Variants in PRKG1 observed in about 807,000 individuals in gnomAD.
PRKG1 encodes the protein cGMP-dependent protein kinase 1.
PRKG1 carries 35 observed loss-of-function variants against 88.1 expected under a neutral mutation model. That is an observed-to-expected ratio of 0.40 (90% CI 0.30 to 0.53). PRKG1 has a LOEUF of 0.53. PRKG1 is among the 20% of genes least tolerant of loss of function. PRKG1 has a pLI of 0.59. For synonymous variants in PRKG1, 303 were observed against 292.5 expected (o/e 1.04, Z -0.37); for missense variants, 540 against 839.8 (o/e 0.64, Z 4.41).
In PRKG1 at chr10:52,013,236, G is replaced by C. The variant is rs1046214526; in HGVS notation, c.763-41248G>C. On this transcript the variant is annotated intron_variant, in intron 5 of 17. Coordinates refer to ENST00000373980, the MANE Select transcript of PRKG1 (RefSeq NM_006258.4). Reference sequence around the variant, plus strand: ...GATCGTGTCCATCCTGGCTAACACGGTGAAACCCCGTCTCTACTAAAAATA... The same window carrying C: ...GATCGTGTCCATCCTGGCTAACACGCTGAAACCCCGTCTCTACTAAAAATA... 7.2e-5 allele frequency among the ~76,000 whole-genome samples: 11 copies of C among 152,212 alleles called. 1 individual carries two copies. The highest frequency in any genetic ancestry group is 2.4e-4 in the African/African-American group (10 of 41,540).
chr10:51,074,146 C>T (rs1333221321), upstream of PRKG1, among the ~76,000 whole-genome samples: 5 of 150,416 alleles, frequency 3.3e-5, no homozygotes, highest in Non-Finnish European at 7.4e-5. Flanking sequence ...CCCCGGCGCG[C>T]CTCGGAGGCT....
Position 51,476,052 on chromosome 10 carries a change from G to C in PRKG1, c.592+8216G>C, listed in dbSNP as rs542217659. Among the ~76,000 whole-genome samples, 218 of 152,132 alleles carry C rather than the reference G, an allele frequency of 1.4e-3. 1 individual carries two copies. The highest frequency in any genetic ancestry group is 5.2e-3 in the African/African-American group (217 of 41,526). ...TTGTACTCATAGTGGAAAGGTCTTTGGTACTTTCCATAGGTGGCCATTGAC... is the reference window on the plus strand; with the variant it reads ...TTGTACTCATAGTGGAAAGGTCTTTCGTACTTTCCATAGGTGGCCATTGAC... On this transcript the variant is annotated intron_variant, in intron 3 of 17. Coordinates refer to ENST00000373980, the MANE Select transcript of PRKG1 (RefSeq NM_006258.4).
intron 2 of PRKG1, among the ~76,000 whole-genome samples, chr10:51,415,191 C>CATA (rs1190550336): frequency 6.6e-6 from 1 of 152,164 alleles, no homozygotes; most frequent in Non-Finnish European, 1.5e-5. Flanking sequence ...CAGTAGCATC[C>CATA]GTTTAGTGAA....
At chr10:52,240,674 G>T (rs947414696) in intron 9 of PRKG1, among the ~76,000 whole-genome samples, 1 of 152,024 alleles carries the variant, frequency 6.6e-6, no homozygotes, top group East Asian at 1.9e-4. Flanking sequence ...TTAACGCACC[G>T]ATCACTATTA....
At chr10:51,856,156 C>T (rs1274680393) in intron 4 of PRKG1, among the ~76,000 whole-genome samples, 2 of 152,086 alleles carry the variant, frequency 1.3e-5, no homozygotes, top group Non-Finnish European at 2.9e-5. Context: ...CCATAAGGAC[C>T]CTTGCAGTTA....
intron 2 of PRKG1, among the ~76,000 whole-genome samples, chr10:51,344,679 T>C (rs960756517): frequency 1.3e-5 from 2 of 152,094 alleles, no homozygotes; most frequent in African/African-American, 4.8e-5. Context: ...TTTTTTTCAC[T>C]GTCTTATAAA....
intron 9 of PRKG1, among the ~76,000 whole-genome samples, chr10:52,234,790 A>G (rs1194527): frequency 0.059 from 4,267 of 72,498 alleles, 22 homozygotes; most frequent in South Asian, 0.076. Flanking sequence ...GCAGGCCAAC[A>G]TTCAGATTCA....
chr10:51,037,782 C>CA (rs55765146), intron 1 of PRKG1, among the ~76,000 whole-genome samples: 234 of 139,916 alleles, frequency 1.7e-3, no homozygotes, highest in Middle Eastern at 3.8e-3. Flanking sequence ...GACTCGATCT[C>CA]AAAAAAAAAA....
intron 5 of PRKG1, among the ~76,000 whole-genome samples, chr10:51,994,206 T>TAC (rs1844379907): frequency 6.6e-6 from 1 of 152,170 alleles, no homozygotes; most frequent in Admixed American, 6.6e-5. Flanking sequence ...GGGGTATATA[T>TAC]TTGTAAGGCT....
chr10:51,070,636 C>T (rs1039244275), upstream of PRKG1, among the ~76,000 whole-genome samples: 1 of 152,110 alleles, frequency 6.6e-6, no homozygotes, highest in Admixed American at 6.5e-5. Flanking sequence ...ATGACAAATT[C>T]TACAGATTTA....
chr10:51,490,348 A>G (rs1840673238), intron 3 of PRKG1, among the ~76,000 whole-genome samples: 1 of 152,142 alleles, frequency 6.6e-6, no homozygotes, highest in Non-Finnish European at 1.5e-5. Flanking sequence ...ACTAATATGT[A>G]TTTAGCACGT....
chr10:51,929,205 G>C (rs1051264419), intron 5 of PRKG1, among the ~76,000 whole-genome samples: 3 of 152,112 alleles, frequency 2.0e-5, no homozygotes, highest in Admixed American at 2.0e-4. Context: ...AGTTTTATCA[G>C]TAATGTTAAG....
intron 2 of PRKG1, among the ~76,000 whole-genome samples, chr10:51,214,984 G>A (rs1036897309): frequency 6.6e-6 from 1 of 152,164 alleles, no homozygotes; most frequent in African/African-American, 2.4e-5. Flanking sequence ...TTTCTTTTAA[G>A]TGACCTTGTC....
chr10:51,579,318 G>T (rs1487954475), intron 3 of PRKG1, among the ~76,000 whole-genome samples: 1 of 151,884 alleles, frequency 6.6e-6, no homozygotes, highest in Non-Finnish European at 1.5e-5. Context: ...TAGTAATTCT[G>T]GGGGAGTTTT....
intron 4 of PRKG1, among the ~76,000 whole-genome samples, chr10:51,888,343 T>C (rs1358873083): frequency 6.6e-6 from 1 of 152,242 alleles, no homozygotes; most frequent in Non-Finnish European, 1.5e-5. Context: ...AGAACAAGGT[T>C]ATTTTAGTCT....
intron 2 of PRKG1, among the ~76,000 whole-genome samples, chr10:51,252,388 G>T (rs1441952471): frequency 6.6e-6 from 1 of 151,630 alleles, no homozygotes; most frequent in Non-Finnish European, 1.5e-5. Context: ...AATATAAAAT[G>T]CATGTTTTTT....
chr10:51,317,773 G>A (rs2132502428), intron 2 of PRKG1, among the ~76,000 whole-genome samples: 1 of 152,290 alleles, frequency 6.6e-6, no homozygotes, highest in African/African-American at 2.4e-5. Flanking sequence ...CAATCCATCA[G>A]TGCCTTCTAT....
At chr10:51,365,890 T>A (rs1328554322) in intron 2 of PRKG1, among the ~76,000 whole-genome samples, 1 of 151,296 alleles carries the variant, frequency 6.6e-6, no homozygotes, top group East Asian at 1.9e-4. Flanking sequence ...GTACTAAATC[T>A]TTTTTTTCCT....
chr10:51,947,884 A>G (rs1424115341), intron 5 of PRKG1, among the ~76,000 whole-genome samples: 3 of 152,132 alleles, frequency 2.0e-5, no homozygotes, highest in Non-Finnish European at 4.4e-5. Flanking sequence ...AGATGACAGC[A>G]CCAAAGAAAC....
Sources: gnomAD v4.1 joint callset for allele counts (sites outside exome capture counted in the v4.1 genomes callset) on GRCh38, gnomAD v4.1.1 for gene constraint, MANE v1.5 for transcripts, NCBI Gene and HGNC (gene_info 2026-07-23, HGNC 2026-07-21) for gene names.